VANGL2: variants seen among roughly 807,000 people sequenced by gnomAD.
The protein encoded by VANGL2 is VANGL planar cell polarity protein 2, also known as vang-like protein 2.
A neutral mutation model predicts 50.2 loss-of-function variants in VANGL2; 14 were observed. The ratio of observed to expected loss-of-function variants is 0.28; its 90% CI spans 0.18 to 0.44. The LOEUF (loss-of-function observed/expected upper bound fraction) is 0.44. VANGL2 is among the 20% of genes least tolerant of loss of function. VANGL2 has a pLI of 1.00. For missense variants in VANGL2, 533 were observed against 701.5 expected (o/e 0.76, Z 2.71); for synonymous variants, 295 against 297.2 (o/e 0.99, Z 0.08).
intron 1 of VANGL2, among the ~76,000 whole-genome samples, chr1:160,412,243 C>G (rs558004501): frequency 7.2e-5 from 11 of 151,942 alleles, no homozygotes; most frequent in African/African-American, 2.7e-4. Flanking sequence ...TGGCTGTTGG[C>G]TTTGGCAGAT....
In VANGL2 at chr1:160,416,145, C is replaced by T. The variant is rs1181559520; in HGVS notation, c.155C>T (p.Pro52Leu). 3.7e-6 allele frequency: 6 copies of T among 1,614,048 alleles called. No homozygotes were observed. Among genetic ancestry groups the T allele is most frequent in the Non-Finnish European group, 4.2e-6 (5 of 1,180,032 alleles). ...KSVTIQAPGE[P>L]LLDNESTRGD... Reference sequence around the variant, plus strand: ...GTGACAATCCAGGCTCCCGGGGAGCCCCTGCTGGACAATGAGTCCACACGA... The same window carrying T: ...GTGACAATCCAGGCTCCCGGGGAGCTCCTGCTGGACAATGAGTCCACACGA... Residue 52 changes from proline (P) to leucine (L), a missense_variant, in exon 3 of 8, where the codon CCC (proline) becomes CTC (leucine). Transcript: ENST00000368061.
chr1:160,425,415 GT>G lies in VANGL2; in HGVS notation c.*38del. ...CAGGGGGAGTGGGAAACTCTGGGGGGTCCTGAGGGGGTGGGAGGGGGCTTGG... is the reference window on the plus strand; with the variant it reads ...CAGGGGGAGTGGGAAACTCTGGGGGGCCTGAGGGGGTGGGAGGGGGCTTGG... On this transcript the variant is annotated 3_prime_UTR_variant, in exon 8 of 8. Coordinates refer to ENST00000368061, the MANE Select transcript of VANGL2 (RefSeq NM_020335.3). The G allele has an allele frequency of 1.0e-6, 1 of 965,492 alleles. No individual in the cohort carries two copies. The highest frequency in any genetic ancestry group is 1.4e-6 in the Non-Finnish European group (1 of 713,334). 59.8% of individuals were successfully genotyped at this position (965,492 alleles called of 1,614,324 possible).
At chr1:160,410,929 G>A (rs1037349435) in intron 1 of VANGL2, among the ~76,000 whole-genome samples, 1 of 151,898 alleles carries the variant, frequency 6.6e-6, no homozygotes, top group Non-Finnish European at 1.5e-5. Context: ...TCCAGGACCC[G>A]GCTGCCATCA....
Position 160,419,744 on chromosome 1 carries a change from C to T in VANGL2, c.800+135C>T, listed in dbSNP as rs962052951. On this transcript the variant is annotated intron_variant, in intron 4 of 7. Transcript: ENST00000368061. The surrounding 1 kb of genome is among the most constrained non-coding windows in gnomAD (Gnocchi z 5.8). ...GGGTTGTGTGGGAGGGAGTTGAGTA[C>T]TTTGCACCAAGTAGGTTTTCACCAA... The T allele has an allele frequency of 5.2e-6, 7 of 1,336,886 alleles. No homozygotes were observed. Among genetic ancestry groups the T allele is most frequent in the Middle Eastern group, 2.7e-4 (1 of 3,762 alleles). The allele number at this position is 1,336,886 out of a possible 1,614,324, so 82.8% of individuals were successfully genotyped here.
Position 160,428,229 on chromosome 1 carries a change from C to G in VANGL2, c.*2851C>G, listed in dbSNP as rs11265391. The G allele has an allele frequency of 6.5e-6, 1 of 152,698 alleles. No homozygotes were observed. The highest frequency in any genetic ancestry group is 2.1e-4 in the South Asian group (1 of 4,834). 9.5% of individuals were successfully genotyped at this position (152,698 alleles called of 1,614,324 possible). A position where few individuals can be genotyped will look rare whatever the true frequency, so the allele number is the denominator to read the frequency against. On this transcript the variant is annotated 3_prime_UTR_variant, in exon 8 of 8. Transcript: ENST00000368061. ...CTTTTTCCCAGGGTTCGTACTTCTCCTCCATTGGTCCCAGGCTAACTCCCC... is the reference window on the plus strand; with the variant it reads ...CTTTTTCCCAGGGTTCGTACTTCTCGTCCATTGGTCCCAGGCTAACTCCCC...
intron 1 of VANGL2, among the ~76,000 whole-genome samples, chr1:160,411,926 T>C (rs1375374528): frequency 1.3e-5 from 2 of 152,060 alleles, no homozygotes; most frequent in African/African-American, 4.8e-5. Flanking sequence ...GCAGGGTTTA[T>C]TTATACCACC....
At position 160,415,861 on chromosome 1, in the gene VANGL2, G is replaced by A. The variant is rs138071353; in HGVS notation, c.24G>A (p.Ser8=). 31 of 1,614,000 alleles carry A rather than the reference G, an allele frequency of 1.9e-5. No homozygotes were observed. In the Admixed American group the frequency reaches 2.5e-4, roughly 13 times the overall value. ...CCATGGACACCGAGTCCCAGTACTC[G>A]GGCTATTCCTACAAGTCGGGCCACT... is the stretch of plus-strand genomic sequence containing the variant. MDTESQY[S]GYSYKSGHSR... The change falls in exon 2 of 8, where the codon TCG becomes TCA. Residue 8 remains serine (S), a synonymous_variant. Transcript: ENST00000368061.
At position 160,419,947 on chromosome 1, in the gene VANGL2, C is replaced by T. The variant is rs189003885; in HGVS notation, c.800+338C>T. The stretch of plus-strand genomic sequence containing the variant: ...GCTTTTTGGAATCCCTTTTCTAGTC[C>T]TTTCTGGGAGGCGCAGCTTCTTGTG... On this transcript the variant is annotated intron_variant, in intron 4 of 7. Transcript: ENST00000368061. The surrounding 1 kb of genome is among the most constrained non-coding windows in gnomAD (Gnocchi z 5.8). 4.8e-4 allele frequency among the ~76,000 whole-genome samples: 73 copies of T among 152,188 alleles called. No homozygotes were observed. The highest frequency in any genetic ancestry group is 1.9e-3 in the South Asian group (9 of 4,818).
chr1:160,404,099 A>C (rs1650572200), intron 1 of VANGL2, among the ~76,000 whole-genome samples: 1 of 152,192 alleles, frequency 6.6e-6, no homozygotes, highest in Non-Finnish European at 1.5e-5. Flanking sequence ...GATAATCATC[A>C]TTAAGGGAGA....
At chr1:160,421,302 G>A in intron 6 of VANGL2, 115 bp downstream of exon 6, 1 of 1,402,608 alleles carries the variant, frequency 7.1e-7, no homozygotes, top group Admixed American at 2.0e-5. Flanking sequence ...ATGAGTTGGG[G>A]GTGTGTGCTT....
chr1:160,424,189 A>G lies in VANGL2; in HGVS notation c.1211A>G (p.Lys404Arg). 6.2e-7 allele frequency: 1 copy of G among 1,614,212 alleles called. No individual in the cohort carries two copies. Among genetic ancestry groups the G allele is most frequent in the Non-Finnish European group, 8.5e-7 (1 of 1,180,038 alleles). Residue 404 changes from lysine to arginine, a missense_variant, in exon 7 of 8, where the codon AAG becomes AGG. Physicochemically the swap from Lys to Arg is conservative, Grantham distance 26 (BLOSUM62 2). Coordinates refer to ENST00000368061, the MANE Select transcript of VANGL2 (RefSeq NM_020335.3). Reference protein sequence around the residue: ...IFASMARAMQKYLRTTKQQPY... With the variant: ...IFASMARAMQRYLRTTKQQPY... ...GCATCCATGGCCCGTGCCATGCAGA[A>G]GTACCTTCGGACCACCAAGCAGCAG...
At chr1:160,424,664 G>C (rs1015225168) in intron 7 of VANGL2, among the ~76,000 whole-genome samples, 3 of 152,186 alleles carry the variant, frequency 2.0e-5, no homozygotes, top group Non-Finnish European at 4.4e-5. Flanking sequence ...TCTATTGCCA[G>C]CTTCCTAGAA....
chr1:160,410,791 T>C (rs1650858236), intron 1 of VANGL2, among the ~76,000 whole-genome samples: 1 of 152,060 alleles, frequency 6.6e-6, no homozygotes, highest in South Asian at 2.1e-4. Flanking sequence ...AATTGTTTCC[T>C]GAAGAAACCT....
intron 3 of VANGL2, among the ~76,000 whole-genome samples, chr1:160,418,790 C>T (rs1419689657): frequency 2.0e-5 from 3 of 152,162 alleles, no homozygotes. Flanking sequence ...TTGGATTTGG[C>T]CATCTGCAGA....
rs190714961 is a variant in VANGL2, at chr1:160,422,052, G to A, written c.1073+865G>A. On this transcript the variant is annotated intron_variant, in intron 6 of 7. Coordinates refer to ENST00000368061, the MANE Select transcript of VANGL2 (RefSeq NM_020335.3). ...CTGCCGGGTTCCATCTTGGTCTGTCGGGAGTTCCCTGAGGGAGGAGCAGAG... is the reference window on the plus strand; with the variant it reads ...CTGCCGGGTTCCATCTTGGTCTGTCAGGAGTTCCCTGAGGGAGGAGCAGAG... Among the ~76,000 whole-genome samples, 70 of 152,188 alleles carry A rather than the reference G, an allele frequency of 4.6e-4. 1 individual carries two copies. The highest frequency in any genetic ancestry group is 3.4e-3 in the Middle Eastern group (1 of 294).
chr1:160,424,288 G>A lies in VANGL2; in HGVS notation c.1305+5G>A. ...ACGCATGACATGACGCCCAAGGTAG[G>A]CCTGCCCTGCTGCCAGCATCCTTCC... On this transcript the variant is annotated splice_donor_5th_base_variant and intron_variant, in intron 7 of 7. Transcript: ENST00000368061. 6.2e-7 allele frequency: 1 copy of A among 1,613,586 alleles called. No individual in the cohort carries two copies. The highest frequency in any genetic ancestry group is 8.5e-7 in the Non-Finnish European group (1 of 1,179,640).
At chr1:160,422,555 T>TCAAGTTCC (rs77746610) in intron 6 of VANGL2, among the ~76,000 whole-genome samples, 43,265 of 151,898 alleles carry the variant, frequency 0.28, 6,431 homozygotes, top group Middle Eastern at 0.35. Context: ...CTGAAATGAC[T>TCAAGTTCC]CAGGTTCCTG....
rs570934337 is a variant in VANGL2 at position 160,416,296 on chromosome 1, G to C, written c.192+114G>C. The C allele has an allele frequency of 5.8e-6, 9 of 1,558,764 alleles. No individual in the cohort carries two copies. In the South Asian group the frequency reaches 7.9e-5, roughly 14 times the overall value. ...GAAACCTGGTCTCAGACAGCCATCAGATCGGGGAGTGTGTTTTGTGTTACA... is the reference window on the plus strand; with the variant it reads ...GAAACCTGGTCTCAGACAGCCATCACATCGGGGAGTGTGTTTTGTGTTACA... On this transcript the variant is annotated intron_variant, in intron 3 of 7. Transcript: ENST00000368061.
chr1:160,425,099 C>A lies in VANGL2; in HGVS notation c.1306-19C>A. 1 of 1,613,952 alleles carries A rather than the reference C, an allele frequency of 6.2e-7. No homozygotes were observed. Among genetic ancestry groups the A allele is most frequent in the South Asian group, 1.1e-5 (1 of 91,068 alleles). ...GTAGATGACAGAGATTCTTATGCAG[C>A]CCCTTCTTTCCACTTCAGGCCTTCT... is the stretch of plus-strand genomic sequence containing the variant. On this transcript the variant is annotated intron_variant, in intron 7 of 7. Transcript: ENST00000368061.
Sources: allele counts gnomAD v4.1 joint callset (sites outside exome capture counted in the v4.1 genomes callset), GRCh38; gene constraint gnomAD v4.1.1; non-coding constraint Gnocchi (gnomAD v3.1); transcripts MANE v1.5; gene names NCBI Gene and HGNC (gene_info 2026-07-23, HGNC 2026-07-21).